IL1RAPL1: variants seen among roughly 807,000 people sequenced by gnomAD.
IL1RAPL1 encodes the protein interleukin-1 receptor accessory protein-like 1.
IL1RAPL1 carries 3 observed loss-of-function variants against 48.4 expected under a neutral mutation model. That is an observed-to-expected ratio of 0.06 (90% CI 0.03 to 0.16). IL1RAPL1 has a LOEUF of 0.16. Among genes scored for constraint, IL1RAPL1 ranks in the 10% least tolerant of loss-of-function variants. The pLI is 1.00. For missense variants in IL1RAPL1, 349 were observed against 530.6 expected, an observed-to-expected ratio of 0.66 and a Z score of 3.36; for synonymous variants, 185 against 187.7, an observed-to-expected ratio of 0.99 and a Z score of 0.12.
intron 3 of IL1RAPL1, among the ~76,000 whole-genome samples, chrX:29,387,721 A>C (rs1035917638): frequency 4.5e-5 from 5 of 111,864 alleles, no homozygotes; most frequent in Non-Finnish European, 9.4e-5. Flanking sequence ...AGCTGGGCGC[A>C]GTGGCTCATG....
intron 2 of IL1RAPL1, among the ~76,000 whole-genome samples, chrX:29,265,178 G>T: frequency 9.0e-6 from 1 of 111,136 alleles, no homozygotes; most frequent in East Asian, 2.8e-4. Context: ...CTCCCAAAGT[G>T]CTGGGATTAC....
At chrX:29,158,943 C>G (rs1929625709) in intron 2 of IL1RAPL1, among the ~76,000 whole-genome samples, 1 of 54,295 alleles carries the variant, frequency 1.8e-5, no homozygotes, top group Admixed American at 2.2e-4. Context: ...CCCCCCCCTC[C>G]CTCCCTCTCC....
intron 1 of IL1RAPL1, among the ~76,000 whole-genome samples, chrX:28,715,185 T>C (rs748078068): frequency 1.8e-5 from 2 of 112,086 alleles, no homozygotes; most frequent in Admixed American, 1.9e-4. Context: ...ACTGAAACCA[T>C]ATAAAACAGT....
intron 5 of IL1RAPL1, among the ~76,000 whole-genome samples, chrX:29,559,476 G>A (rs1922114283): frequency 8.9e-6 from 1 of 111,833 alleles, no homozygotes; most frequent in Non-Finnish European, 1.9e-5. Context: ...TTATTGGAAG[G>A]TTTACTTTAT....
At chrX:29,633,666 T>G (rs1924868594) in intron 5 of IL1RAPL1, among the ~76,000 whole-genome samples, 1 of 111,662 alleles carries the variant, frequency 9.0e-6, no homozygotes, top group Non-Finnish European at 1.9e-5. Context: ...ATCAGGGTTG[T>G]TTAATTCTGG....
At chrX:29,700,275 T>C (rs1489157332) in intron 6 of IL1RAPL1, among the ~76,000 whole-genome samples, 1 of 112,248 alleles carries the variant, frequency 8.9e-6, no homozygotes, top group Non-Finnish European at 1.9e-5. Context: ...CTAATAGAAA[T>C]TACAGTATCA....
At chrX:28,949,378 T>C (rs773473510) in intron 2 of IL1RAPL1, among the ~76,000 whole-genome samples, 3 of 111,342 alleles carry the variant, frequency 2.7e-5, no homozygotes, top group Admixed American at 9.6e-5. Context: ...AATGTATTGA[T>C]AGACTCTGCC....
chrX:28,790,661 A>C (rs776087235), intron 2 of IL1RAPL1, among the ~76,000 whole-genome samples: 2 of 112,623 alleles, frequency 1.8e-5, no homozygotes, highest in Admixed American at 1.9e-4. Flanking sequence ...ACGTGAAAAA[A>C]ATACTGTTGT....
chrX:29,505,121 T>C (rs1304100187), intron 5 of IL1RAPL1, among the ~76,000 whole-genome samples: 3 of 112,210 alleles, frequency 2.7e-5, no homozygotes, highest in Non-Finnish European at 5.6e-5. Flanking sequence ...AATGAAAATA[T>C]AAAAATAAAC....
intron 3 of IL1RAPL1, among the ~76,000 whole-genome samples, chrX:29,358,872 T>A (rs1178523545): frequency 9.1e-6 from 1 of 109,612 alleles, no homozygotes; most frequent in African/African-American, 3.3e-5. Flanking sequence ...AATACAAAAA[T>A]TAGCCAGGCA....
chrX:29,671,223 T>A (rs1232764919), intron 6 of IL1RAPL1, among the ~76,000 whole-genome samples: 1 of 112,062 alleles, frequency 8.9e-6, no homozygotes. Context: ...AAATTCATTT[T>A]CTCTGCCATT....
At chrX:29,172,157 G>A (rs751819481) in intron 2 of IL1RAPL1, among the ~76,000 whole-genome samples, 3 of 112,519 alleles carry the variant, frequency 2.7e-5, no homozygotes, top group Non-Finnish European at 3.8e-5. Flanking sequence ...GCTGTGAACT[G>A]AAGTTTTTCT....
intron 1 of IL1RAPL1, among the ~76,000 whole-genome samples, chrX:28,685,528 C>G (rs1935100506): frequency 1.8e-5 from 2 of 112,196 alleles, no homozygotes; most frequent in Admixed American, 1.9e-4. Context: ...TTTAGATGCT[C>G]TCTATGAGGA....
chrX:28,938,243 A>G (rs1477000534), intron 2 of IL1RAPL1, among the ~76,000 whole-genome samples: 3 of 111,823 alleles, frequency 2.7e-5, no homozygotes, highest in Non-Finnish European at 3.8e-5. Context: ...AGCTGGAGGC[A>G]TCATGTTAAC....
intron 2 of IL1RAPL1, among the ~76,000 whole-genome samples, chrX:28,830,236 G>T (rs919261407): frequency 9.0e-6 from 1 of 111,529 alleles, no homozygotes; most frequent in African/African-American, 3.3e-5. Context: ...TTAAATGCTT[G>T]GTAGAATAGA....
At chrX:29,366,298 T>G (rs1933453902) in intron 3 of IL1RAPL1, among the ~76,000 whole-genome samples, 1 of 110,303 alleles carries the variant, frequency 9.1e-6, no homozygotes, top group African/African-American at 3.3e-5. Flanking sequence ...TAGTTTGGGA[T>G]AACTGTATGC....
chrX:29,651,577 A>G (rs1438255115), intron 5 of IL1RAPL1, among the ~76,000 whole-genome samples: 1 of 111,514 alleles, frequency 9.0e-6, no homozygotes, highest in Non-Finnish European at 1.9e-5. Flanking sequence ...ACTCATCTCA[A>G]AAAGGTAGAA....
At chrX:29,839,987 A>G (rs1419239815) in intron 6 of IL1RAPL1, among the ~76,000 whole-genome samples, 3 of 112,115 alleles carry the variant, frequency 2.7e-5, no homozygotes, top group Admixed American at 9.5e-5. Flanking sequence ...CCATTGATTT[A>G]GCTATTTTTA....
intron 4 of IL1RAPL1, among the ~76,000 whole-genome samples, chrX:29,397,090 T>C (rs1933928142): frequency 8.9e-6 from 1 of 112,462 alleles, no homozygotes; most frequent in Non-Finnish European, 1.9e-5. Context: ...GATTTGAACA[T>C]AATTTTAAGC....
Sources: allele counts gnomAD v4.1 joint callset (sites outside exome capture counted in the v4.1 genomes callset), GRCh38; gene constraint gnomAD v4.1.1; transcripts MANE v1.5; gene names NCBI Gene and HGNC (gene_info 2026-07-23, HGNC 2026-07-21).